NME7: variants seen among roughly 807,000 people sequenced by gnomAD.
The protein encoded by NME7 is nucleoside diphosphate kinase 7.
In NME7, 41 loss-of-function variants were observed where a neutral mutation model predicts 49.1. The observed-to-expected ratio is 0.83, with a 90% confidence interval of 0.65 to 1.08. NME7 has a LOEUF of 1.08. Ranked by LOEUF, NME7 falls within the 50% of genes least tolerant of loss-of-function variation. The pLI, the probability that NME7 is intolerant of heterozygous loss-of-function variation, is 0.00. For missense variants in NME7, 423 were observed against 463.4 expected, an observed-to-expected ratio of 0.91 and a Z score of 0.80; for synonymous variants, 139 against 150.6, an observed-to-expected ratio of 0.92 and a Z score of 0.56.
chr1:169,154,987 T>A (rs935165488), intron 11 of NME7, among the ~76,000 whole-genome samples: 1 of 152,098 alleles, frequency 6.6e-6, no homozygotes, highest in Non-Finnish European at 1.5e-5. Context: ...AATTTTTTTT[T>A]AAGATAGAGA....
At chr1:169,247,818 A>G (rs1452370197) in intron 7 of NME7, among the ~76,000 whole-genome samples, 2 of 152,040 alleles carry the variant, frequency 1.3e-5, no homozygotes, top group African/African-American at 4.8e-5. Flanking sequence ...ACATTATTTC[A>G]TTATTTTTAT....
chr1:169,208,650 A>G (rs1051882580), intron 10 of NME7, among the ~76,000 whole-genome samples: 1 of 152,140 alleles, frequency 6.6e-6, no homozygotes. Context: ...TAGAGATTAT[A>G]GTGTTAATAA....
intron 10 of NME7, among the ~76,000 whole-genome samples, chr1:169,226,645 A>C (rs1264204927): frequency 6.6e-6 from 1 of 152,200 alleles, no homozygotes; most frequent in Non-Finnish European, 1.5e-5. Flanking sequence ...CAGTTCTTAG[A>C]AGTATATGCC....
intron 1 of NME7, among the ~76,000 whole-genome samples, chr1:169,348,353 C>A (rs75674839): frequency 3.6e-3 from 416 of 114,046 alleles, no homozygotes; most frequent in Non-Finnish European, 6.5e-3. Flanking sequence ...GTAACAGATT[C>A]CAAAAAAAAG....
At chr1:169,162,637 A>G (rs1051792736) in intron 11 of NME7, among the ~76,000 whole-genome samples, 4 of 152,136 alleles carry the variant, frequency 2.6e-5, no homozygotes, top group African/African-American at 9.7e-5. Context: ...CAAATCCAGG[A>G]GTTCAAGACC....
chr1:169,288,770 C>T (rs2101897050), intron 6 of NME7, among the ~76,000 whole-genome samples: 1 of 152,210 alleles, frequency 6.6e-6, no homozygotes, highest in Non-Finnish European at 1.5e-5. Flanking sequence ...TCTTTTTAAT[C>T]AATAACAACA....
intron 7 of NME7, among the ~76,000 whole-genome samples, chr1:169,244,028 A>AAAT (rs1463632675): frequency 2.6e-5 from 4 of 152,064 alleles, no homozygotes; most frequent in African/African-American, 9.7e-5. Flanking sequence ...TACCTCAATT[A>AAAT]AATAATTTAT....
At chr1:169,348,609 C>A (rs1182307993) in intron 1 of NME7, among the ~76,000 whole-genome samples, 1 of 152,050 alleles carries the variant, frequency 6.6e-6, no homozygotes, top group Non-Finnish European at 1.5e-5. Flanking sequence ...CTGAAAGTGT[C>A]CAATGATGGA....
At chr1:169,210,757 G>A (rs1391445747) in intron 10 of NME7, among the ~76,000 whole-genome samples, 1 of 152,066 alleles carries the variant, frequency 6.6e-6, no homozygotes, top group Non-Finnish European at 1.5e-5. Flanking sequence ...ATGGGGAGGA[G>A]GTTCTGTAAT....
At chr1:169,268,707 A>G (rs559020565) in intron 7 of NME7, among the ~76,000 whole-genome samples, 1 of 133,574 alleles carries the variant, frequency 7.5e-6, no homozygotes, top group Non-Finnish European at 1.8e-5. Context: ...CAAATACCAC[A>G]TGTTCTCACT....
chr1:169,323,033 G>T, intron 3 of NME7, 84 bp downstream of exon 3: 2 of 1,135,750 alleles, frequency 1.8e-6, no homozygotes. Flanking sequence ...ATCCTCATAT[G>T]GTTACATACT....
At chr1:169,266,255 T>C (rs12033035) in intron 7 of NME7, among the ~76,000 whole-genome samples, 61,821 of 131,672 alleles carry the variant, frequency 0.47, 21,979 homozygotes, top group East Asian at 0.91. Flanking sequence ...CATCAAAAAG[T>C]GAATCCACCA....
chr1:169,336,915 G>A (rs1200038555), intron 1 of NME7, among the ~76,000 whole-genome samples: 1 of 152,162 alleles, frequency 6.6e-6, no homozygotes. Flanking sequence ...CAAACCTTGA[G>A]CTAGATACAG....
chr1:169,325,225 C>T (rs181044984), intron 1 of NME7, among the ~76,000 whole-genome samples: 146 of 152,184 alleles, frequency 9.6e-4, no homozygotes, highest in Middle Eastern at 3.4e-3. Flanking sequence ...CATTGCTACA[C>T]CCTCTAAGAA....
chr1:169,290,580 A>G (rs1392426701), intron 6 of NME7, among the ~76,000 whole-genome samples: 1 of 152,210 alleles, frequency 6.6e-6, no homozygotes, highest in Non-Finnish European at 1.5e-5. Flanking sequence ...AACCTCAGCA[A>G]TATCATTCAG....
At chr1:169,293,114 A>G (rs995816790) in intron 6 of NME7, among the ~76,000 whole-genome samples, 5 of 151,430 alleles carry the variant, frequency 3.3e-5, no homozygotes, top group African/African-American at 1.2e-4. Context: ...GGGCAATATC[A>G]CAAGACCCTG....
chr1:169,153,677 T>A (rs533652060), intron 11 of NME7, among the ~76,000 whole-genome samples: 12 of 145,328 alleles, frequency 8.3e-5, no homozygotes, highest in East Asian at 6.2e-4. Context: ...CATTTTTTTT[T>A]ATCTTTTCCA....
chr1:169,355,080 A>ATG (rs1653362239), intron 1 of NME7, among the ~76,000 whole-genome samples: 1 of 62,884 alleles, frequency 1.6e-5, no homozygotes, highest in African/African-American at 6.7e-5. Context: ...TAGATATAAT[A>ATG]TATAATATAC....
chr1:169,211,588 T>G (rs1290674562), intron 10 of NME7, among the ~76,000 whole-genome samples: 3 of 152,168 alleles, frequency 2.0e-5, no homozygotes, highest in Non-Finnish European at 4.4e-5. Flanking sequence ...TTGCACATGT[T>G]TTATGCCCTG....
Sources: allele counts gnomAD v4.1 joint callset (sites outside exome capture counted in the v4.1 genomes callset), GRCh38; gene constraint gnomAD v4.1.1; transcripts MANE v1.5; gene names NCBI Gene and HGNC (gene_info 2026-07-23, HGNC 2026-07-21).